Variants in TRUB2 observed in about 807,000 individuals in gnomAD.
TRUB2 encodes pseudouridylate synthase TRUB2, mitochondrial.
TRUB2 carries 31 observed loss-of-function variants against 31.9 expected under a neutral mutation model. The ratio of observed to expected loss-of-function variants is 0.97; its 90% CI spans 0.73 to 1.31. The LOEUF (loss-of-function observed/expected upper bound fraction) is 1.31, where lower values mean the gene tolerates loss of function less well. TRUB2 is among the 50% of genes most tolerant of loss of function. The probability of loss-of-function intolerance (pLI) is 0.00; values close to 1 mark genes in which losing one functional copy is unlikely to be tolerated. For synonymous variants in TRUB2, 201 were observed against 182.6 expected, an observed-to-expected ratio of 1.10 and a Z score of -0.81; for missense variants, 451 against 439.6, an observed-to-expected ratio of 1.03 and a Z score of -0.23.
In TRUB2 at chr9:128,313,826, C is replaced by G. The variant is rs1832021858; in HGVS notation, c.442G>C (p.Val148Leu). 10 of 1,614,206 alleles carry G rather than the reference C, an allele frequency of 6.2e-6. No homozygotes were observed. Among genetic ancestry groups the G allele is most frequent in the African/African-American group, 1.3e-5 (1 of 75,068 alleles). ...TTCTCACCATAGGTTGTCTTCTCTA[C>G]CAGCCTCCCGTCCTCACGGAAGTCA... ...TDDFREDGRL[V>L]EKTTYDHVTR... Residue 148 changes from valine to leucine, a missense_variant, in exon 5 of 8, where the codon GTA (valine) becomes CTA (leucine). Transcript: ENST00000372890.
In TRUB2 at chr9:128,322,431, T is replaced by A. The variant is rs1430267150; in HGVS notation, c.-23A>T. 1.2e-6 allele frequency: 2 copies of A among 1,612,578 alleles called. No homozygotes were observed. The highest frequency in any genetic ancestry group is 2.7e-5 in the African/African-American group (2 of 74,910). ...CATACTTGAAGATCACAGCACCCGCTGGACCTGGACGGAAGTACCGCCAGG... is the reference window on the plus strand; with the variant it reads ...CATACTTGAAGATCACAGCACCCGCAGGACCTGGACGGAAGTACCGCCAGG... On this transcript the variant is annotated 5_prime_UTR_variant, in exon 1 of 8. Coordinates refer to ENST00000372890, the MANE Select transcript of TRUB2 (RefSeq NM_015679.3).
intron 5 of TRUB2, among the ~76,000 whole-genome samples, chr9:128,313,121 G>C (rs1162136727): frequency 1.3e-5 from 2 of 152,032 alleles, no homozygotes; most frequent in Non-Finnish European, 2.9e-5. Context: ...GAAGGCTGAG[G>C]CAGGAGAATT....
intron 3 of TRUB2, 134 bp downstream of exon 3, chr9:128,317,017 CT>C: frequency 2.7e-6 from 2 of 754,052 alleles, no homozygotes; most frequent in East Asian, 5.4e-5. Flanking sequence ...GCTGATCAGC[CT>C]TGGGGCAGGA....
chr9:128,311,289 A>G (rs1285360470), intron 6 of TRUB2: 5 of 621,694 alleles, frequency 8.0e-6, no homozygotes, highest in Non-Finnish European at 1.4e-5. Context: ...TTTCCTTGCC[A>G]TTAGATCATA....
rs1420855935 is a variant in TRUB2 at position 128,309,134 on chromosome 9, G to A, written c.*416C>T. ...TTTTTTTTAATTTTTAATTTTCGTG[G>A]GCACATAGTTTATTGAGAATTTTTT... On this transcript the variant is annotated 3_prime_UTR_variant, in exon 8 of 8. Coordinates refer to ENST00000372890, the MANE Select transcript of TRUB2 (RefSeq NM_015679.3). The A allele has an allele frequency of 1.8e-5, 3 of 169,008 alleles. No homozygotes were observed. The highest frequency in any genetic ancestry group is 7.2e-5 in the African/African-American group (3 of 41,732). The allele number at this position is 169,008 out of a possible 1,614,324, so 10.5% of individuals were successfully genotyped here. A position where few individuals can be genotyped will look rare whatever the true frequency, so the allele number is the denominator to read the frequency against.
intron 5 of TRUB2, among the ~76,000 whole-genome samples, chr9:128,313,535 C>CAAAAAA (rs563876862): frequency 1.0e-4 from 8 of 79,100 alleles, no homozygotes; most frequent in Admixed American, 4.1e-4. Context: ...GACTCCGTCT[C>CAAAAAA]AAAAAAAAAA....
chr9:128,321,581 T>C lies in TRUB2; in HGVS notation c.241+18A>G, dbSNP rs1307203022. 1 of 1,613,496 alleles carries C rather than the reference T, an allele frequency of 6.2e-7. No individual in the cohort carries two copies. The highest frequency in any genetic ancestry group is 2.2e-5 in the East Asian group (1 of 44,862). On this transcript the variant is annotated intron_variant, in intron 2 of 7. Transcript: ENST00000372890. ...TCCTGGGAAGTGACACACAGGATCC[T>C]GCTTAAATCTGCCTTACCCAGTGGA... is the stretch of plus-strand genomic sequence containing the variant.
At position 128,308,207 on chromosome 9, in the gene TRUB2, A is replaced by C. The variant is rs1831898750; in HGVS notation, c.*1343T>G. On this transcript the variant is annotated 3_prime_UTR_variant, in exon 8 of 8. Coordinates refer to ENST00000372890, the MANE Select transcript of TRUB2 (RefSeq NM_015679.3). ...ATTGTGCCACTGCACTCCAACCTGGATGACGGAGTGAGACTCCGTCTCAGA... is the reference window on the plus strand; with the variant it reads ...ATTGTGCCACTGCACTCCAACCTGGCTGACGGAGTGAGACTCCGTCTCAGA... 7.0e-6 allele frequency: 1 copy of C among 142,656 alleles called. No individual in the cohort carries two copies. The highest frequency in any genetic ancestry group is 1.5e-5 in the Non-Finnish European group (1 of 65,624). The allele number at this position is 142,656 out of a possible 1,614,324, so 8.8% of individuals were successfully genotyped here. A position where few individuals can be genotyped will look rare whatever the true frequency, so the allele number is the denominator to read the frequency against.
rs764392269 is a variant in TRUB2, at chr9:128,306,318, G to C, written c.*3232C>G. 1 of 151,796 alleles carries C rather than the reference G, an allele frequency of 6.6e-6. No individual in the cohort carries two copies. Among genetic ancestry groups the C allele is most frequent in the Non-Finnish European group, 1.5e-5 (1 of 67,996 alleles). 9.4% of individuals were successfully genotyped at this position (151,796 alleles called of 1,614,324 possible). ...TGGTGTGACAGCCCATGTGCCCTAC[G>C]TTCAAGTTACCTAATTTTTCCAAAG... On this transcript the variant is annotated 3_prime_UTR_variant, in exon 8 of 8. Transcript: ENST00000372890.
In TRUB2 at chr9:128,309,465, C is replaced by T; in HGVS notation, c.*85G>A. 1.4e-6 allele frequency: 2 copies of T among 1,413,260 alleles called. No homozygotes were observed. Among genetic ancestry groups the T allele is most frequent in the African/African-American group, 1.4e-5 (1 of 70,234 alleles). The allele number at this position is 1,413,260 out of a possible 1,614,324, so 87.5% of individuals were successfully genotyped here. Reference sequence around the variant, plus strand: ...GTCTTACGTAGAAAAGGTGCCCCTGCTCTCACTTTCTGCACAGCTATCAGG... The same window carrying T: ...GTCTTACGTAGAAAAGGTGCCCCTGTTCTCACTTTCTGCACAGCTATCAGG... On this transcript the variant is annotated 3_prime_UTR_variant, in exon 8 of 8. Transcript: ENST00000372890.
chr9:128,313,087 T>C (rs566073898), intron 5 of TRUB2, among the ~76,000 whole-genome samples: 7 of 151,672 alleles, frequency 4.6e-5, no homozygotes, highest in Non-Finnish European at 1.0e-4. Flanking sequence ...TGTGGTGGTG[T>C]GCACCTGTAA....
At chr9:128,318,396 C>T (rs1033243527) in intron 2 of TRUB2, among the ~76,000 whole-genome samples, 1 of 152,120 alleles carries the variant, frequency 6.6e-6, no homozygotes, top group Non-Finnish European at 1.5e-5. Context: ...CCCAAAACCC[C>T]TACCTTAGGA....
chr9:128,312,635 A>G (rs954189764), intron 5 of TRUB2, among the ~76,000 whole-genome samples: 1 of 133,304 alleles, frequency 7.5e-6, no homozygotes, highest in Non-Finnish European at 1.6e-5. Flanking sequence ...TTTTTTTTTG[A>G]GACGGAGTCT....
chr9:128,322,225 G>A (rs2231629), intron 1 of TRUB2, 75 bp downstream of exon 1: 78 of 1,294,908 alleles, frequency 6.0e-5, no homozygotes, highest in Middle Eastern at 1.8e-4. Context: ...TTTTGTTTTG[G>A]GGTAAGGACC....
intron 2 of TRUB2, among the ~76,000 whole-genome samples, chr9:128,318,432 C>T (rs1313107402): frequency 6.6e-6 from 1 of 152,188 alleles, no homozygotes; most frequent in Non-Finnish European, 1.5e-5. Context: ...TCATTTCTCA[C>T]CTGGAGTCCC....
At chr9:128,318,511 T>TGTG (rs890958622) in intron 2 of TRUB2, among the ~76,000 whole-genome samples, 1 of 151,674 alleles carries the variant, frequency 6.6e-6, no homozygotes, top group African/African-American at 2.4e-5. Context: ...TGTTTTTTTT[T>TGTG]TGTGTGTGTG....
In TRUB2 at chr9:128,311,618, G is replaced by C; in HGVS notation, c.461-17C>G. ...TCACGTGGTCTGGAAAAGGCAGGGGGTTGTCAATGTACAGGTACCTGCTGA... is the reference window on the plus strand; with the variant it reads ...TCACGTGGTCTGGAAAAGGCAGGGGCTTGTCAATGTACAGGTACCTGCTGA... On this transcript the variant is annotated splice_polypyrimidine_tract_variant and intron_variant, in intron 5 of 7. Transcript: ENST00000372890. The C allele has an allele frequency of 6.2e-7, 1 of 1,613,794 alleles. No individual in the cohort carries two copies. Among genetic ancestry groups the C allele is most frequent in the Non-Finnish European group, 8.5e-7 (1 of 1,179,828 alleles).
At chr9:128,320,816 G>A (rs542336305) in intron 2 of TRUB2, among the ~76,000 whole-genome samples, 131 of 150,792 alleles carry the variant, frequency 8.7e-4, no homozygotes, top group Admixed American at 1.5e-3. Flanking sequence ...TTGAGACGGA[G>A]TCTCGCTCTG....
intron 3 of TRUB2, chr9:128,316,198 G>C (rs551293496): frequency 6.6e-5 from 10 of 150,796 alleles, no homozygotes; most frequent in African/African-American, 2.4e-4. Context: ...CTCCAGCTTG[G>C]GCAACAAGAG....
Sources: allele counts gnomAD v4.1 joint callset (sites outside exome capture counted in the v4.1 genomes callset), GRCh38; gene constraint gnomAD v4.1.1; transcripts MANE v1.5; gene names NCBI Gene and HGNC (gene_info 2026-07-23, HGNC 2026-07-21).